The following CEP83 variants were observed in gnomAD, a reference collection of about 807,000 sequenced individuals.
The protein encoded by CEP83 is centrosomal protein of 83 kDa.
Under a neutral mutation model 101.9 loss-of-function variants are expected in CEP83, and 70 were observed. The observed-to-expected ratio is 0.69, with a 90% CI of 0.57 to 0.84. The LOEUF (loss-of-function observed/expected upper bound fraction) is 0.84, where lower values mean the gene tolerates loss of function less well. Among genes scored for constraint, CEP83 ranks in the 40% least tolerant of loss-of-function variants. The pLI, the probability that CEP83 is intolerant of heterozygous loss-of-function variation, is 0.00. For missense variants in CEP83, 715 were observed against 787.2 expected, an observed-to-expected ratio of 0.91 and a Z score of 1.10; for synonymous variants, 264 against 267.9, an observed-to-expected ratio of 0.99 and a Z score of 0.14.
chr12:94,406,320 C>T (rs1038196713), intron 4 of CEP83, among the ~76,000 whole-genome samples: 4 of 151,518 alleles, frequency 2.6e-5, no homozygotes, highest in Admixed American at 6.6e-5. Context: ...AGTAAAACTC[C>T]GTCTCAAAAA....
the CEP83 span, chr12:94,297,155 G>A: frequency 6.2e-7 from 1 of 1,611,808 alleles, no homozygotes; most frequent in East Asian, 2.2e-5. Flanking sequence ...TTTTTTAATG[G>A]ACTGCTTTCT....
Position 94,310,100 on chromosome 12 carries a change from C to A in CEP83, c.1819G>T (p.Val607Phe). ...AGCCTTGTATAGTCTTCAAAAGGAACATTTTGTCTTAAAAAGAAAAAGAAA... is the reference window on the plus strand; with the variant it reads ...AGCCTTGTATAGTCTTCAAAAGGAAAATTTTGTCTTAAAAAGAAAAAGAAA... ...TENQVLNRQN[V>F]PFEDYTRLQK... is the part of the protein sequence containing the mutation. Residue 607 changes from valine (V) to phenylalanine (F), a missense_variant, in exon 16 of 17, where the codon GTT (valine) becomes TTT (phenylalanine). Physicochemically the swap from Val to Phe is conservative, Grantham distance 50. Coordinates refer to ENST00000397809, the MANE Select transcript of CEP83 (RefSeq NM_016122.3). 1 of 1,529,590 alleles carries A rather than the reference C, an allele frequency of 6.5e-7. No homozygotes were observed. The allele number at this position is 1,529,590 out of a possible 1,614,324, so 94.8% of individuals were successfully genotyped here. A position where few individuals can be genotyped will look rare whatever the true frequency, so the allele number is the denominator to read the frequency against.
At chr12:94,412,669 C>A in intron 2 of CEP83, 78 bp from the exon 3 acceptor site, 17 of 436,652 alleles carry the variant, frequency 3.9e-5, no homozygotes, top group Non-Finnish European at 5.2e-5. Flanking sequence ...ATATTTTTAT[C>A]ACTTTTATTA....
chr12:94,331,256 A>T (rs1250340482), intron 14 of CEP83, among the ~76,000 whole-genome samples: 1 of 132,910 alleles, frequency 7.5e-6, no homozygotes, highest in Non-Finnish European at 1.5e-5. Context: ...GCACCACTGC[A>T]ATCCAACCTG....
intron 5 of CEP83, chr12:94,401,419 A>G (rs2063247907): frequency 6.6e-6 from 1 of 152,232 alleles, no homozygotes; most frequent in Non-Finnish European, 1.5e-5. Flanking sequence ...TTTAACATCT[A>G]ATTAAATATT....
the CEP83 span, among the ~76,000 whole-genome samples, chr12:94,284,642 A>G: frequency 4.0e-5 from 6 of 151,890 alleles, no homozygotes; most frequent in Admixed American, 1.3e-4. Flanking sequence ...GGGTACGATG[A>G]GGCTCTGGGA....
chr12:94,411,859 T>TA lies in CEP83; in HGVS notation c.174-13dup. On this transcript the variant is annotated splice_polypyrimidine_tract_variant and intron_variant, in intron 3 of 16. Coordinates refer to ENST00000397809, the MANE Select transcript of CEP83 (RefSeq NM_016122.3). ...GTTCATTCTGCAACCTGGTTTTTTTTAAAGAGAATTCAATTTTGAGTAAAT... is the reference window on the plus strand; with the variant it reads ...GTTCATTCTGCAACCTGGTTTTTTTTAAAAGAGAATTCAATTTTGAGTAAAT... The TA allele has an allele frequency of 6.2e-7, 1 of 1,601,412 alleles. No homozygotes were observed. The highest frequency in any genetic ancestry group is 8.5e-7 in the Non-Finnish European group (1 of 1,173,188).
intron 15 of CEP83, chr12:94,312,524 C>T (rs117172701): frequency 1.3e-5 from 13 of 968,576 alleles, no homozygotes; most frequent in Admixed American, 1.2e-4. Flanking sequence ...CTGCAAAACC[C>T]GAAACTACAG....
the CEP83 span, among the ~76,000 whole-genome samples, chr12:94,268,801 G>A: frequency 6.6e-6 from 1 of 151,876 alleles, no homozygotes; most frequent in Non-Finnish European, 1.5e-5. Context: ...CGCCGTGTTG[G>A]CTAGCCTGGT....
rs148241479 is a variant in CEP83 at position 94,370,481 on chromosome 12, C to T, written c.934-445G>A. Among the ~76,000 whole-genome samples, 397 of 152,290 alleles carry T rather than the reference C, an allele frequency of 2.6e-3. 2 individuals are homozygous for T. Among genetic ancestry groups the T allele is most frequent in the African/African-American group, 9.3e-3 (385 of 41,576 alleles). On this transcript the variant is annotated intron_variant, in intron 8 of 16. Coordinates refer to ENST00000397809, the MANE Select transcript of CEP83 (RefSeq NM_016122.3). Reference sequence around the variant, plus strand: ...TTCAAACTCCTGGGCTCAAGTGATCCTCTCTCCTCAGCATTCCAAGTAGCT... The same window carrying T: ...TTCAAACTCCTGGGCTCAAGTGATCTTCTCTCCTCAGCATTCCAAGTAGCT...
chr12:94,458,653 G>T lies in CEP83; in HGVS notation c.-155+904C>A, dbSNP rs185791364. 2.1e-3 allele frequency among the ~76,000 whole-genome samples: 324 copies of T among 151,934 alleles called. 1 individual carries two copies. The highest frequency in any genetic ancestry group is 7.5e-3 in the African/African-American group (310 of 41,448). On this transcript the variant is annotated intron_variant, in intron 1 of 16. Coordinates refer to ENST00000397809, the MANE Select transcript of CEP83 (RefSeq NM_016122.3). ...CTCGGGAGGCTGAGGCAGGAGAATC[G>T]CTTGAACCCAGGAGGCGGAGGTTGC...
intron 8 of CEP83, among the ~76,000 whole-genome samples, chr12:94,375,427 A>G (rs528387598): frequency 6.6e-6 from 1 of 152,314 alleles, no homozygotes; most frequent in African/African-American, 2.4e-5. Context: ...AAGGGAGCAA[A>G]GTGAACAGGA....
chr12:94,323,946 T>C (rs1445903378), intron 14 of CEP83, among the ~76,000 whole-genome samples: 2 of 152,200 alleles, frequency 1.3e-5, no homozygotes, highest in Admixed American at 1.3e-4. Flanking sequence ...ATCACAATAG[T>C]TTTCCTTCTT....
the CEP83 span, among the ~76,000 whole-genome samples, chr12:94,272,998 A>T: frequency 6.6e-6 from 1 of 152,294 alleles, no homozygotes; most frequent in South Asian, 2.1e-4. Context: ...TTCGCAGCCC[A>T]GAGTCAGGAC....
At chr12:94,403,075 A>C in intron 5 of CEP83, 95 bp downstream of exon 5, 1 of 646,018 alleles carries the variant, frequency 1.5e-6, no homozygotes, top group Non-Finnish European at 2.7e-6. Context: ...AAAAGGGGGA[A>C]CTACTGCAGG....
chr12:94,390,806 T>C (rs1180424973), intron 6 of CEP83, among the ~76,000 whole-genome samples: 6 of 152,128 alleles, frequency 3.9e-5, no homozygotes, highest in South Asian at 2.1e-4. Context: ...GTGCAAACCA[T>C]GGCACGAGAA....
At chr12:94,346,386 C>A (rs555498527) in intron 11 of CEP83, among the ~76,000 whole-genome samples, 2 of 150,026 alleles carry the variant, frequency 1.3e-5, no homozygotes, top group African/African-American at 4.9e-5. Flanking sequence ...TATTTGTATC[C>A]GCAGTGAGCT....
At chr12:94,370,990 A>G (rs1293018612) in intron 8 of CEP83, among the ~76,000 whole-genome samples, 2 of 152,184 alleles carry the variant, frequency 1.3e-5, no homozygotes, top group African/African-American at 4.8e-5. Context: ...TCTCTAAAAA[A>G]AAATTAAAAT....
At chr12:94,332,212 A>G (rs1205455021) in intron 13 of CEP83, among the ~76,000 whole-genome samples, 1 of 152,190 alleles carries the variant, frequency 6.6e-6, no homozygotes, top group Non-Finnish European at 1.5e-5. Context: ...CAAACTACAA[A>G]TATCTGTCCT....
Sources: allele counts gnomAD v4.1 joint callset (sites outside exome capture counted in the v4.1 genomes callset), GRCh38; gene constraint gnomAD v4.1.1; transcripts MANE v1.5; gene names NCBI Gene and HGNC (gene_info 2026-07-23, HGNC 2026-07-21).